The following RASSF3 variants were observed in gnomAD, a reference collection of about 807,000 sequenced individuals.
RASSF3 encodes Ras association domain family member 3, also known as ras association domain-containing protein 3.
Under a neutral mutation model 19.9 loss-of-function variants are expected in RASSF3, and 19 were observed. That is an observed-to-expected ratio of 0.96 (90% CI 0.67 to 1.40). RASSF3 has a LOEUF of 1.40. RASSF3 is among the 40% of genes most tolerant of loss of function. RASSF3 has a pLI of 0.00. For synonymous variants in RASSF3, 110 were observed against 104.2 expected (o/e 1.06, Z -0.34); for missense variants, 306 against 289.8 (o/e 1.06, Z -0.41).
chr12:64,621,134 C>T (rs1446008449), intron 1 of RASSF3, among the ~76,000 whole-genome samples: 1 of 152,138 alleles, frequency 6.6e-6, no homozygotes, highest in African/African-American at 2.4e-5. Flanking sequence ...TGGGGTTTCA[C>T]CATGTTGGCC....
chr12:64,636,399 C>T (rs1871332000), intron 1 of RASSF3, among the ~76,000 whole-genome samples: 1 of 151,958 alleles, frequency 6.6e-6, no homozygotes, highest in African/African-American at 2.4e-5. Context: ...CAGGCATGAG[C>T]CACTGCACCT....
chr12:64,680,204 C>CT (rs928451931), intron 1 of RASSF3, among the ~76,000 whole-genome samples: 2 of 152,012 alleles, frequency 1.3e-5, no homozygotes, highest in Non-Finnish European at 2.9e-5. Flanking sequence ...ACGGGAGGGT[C>CT]TTTTTTAAAG....
chr12:64,621,449 CTGTT>C (rs1364230365), intron 1 of RASSF3, among the ~76,000 whole-genome samples: 1 of 152,058 alleles, frequency 6.6e-6, no homozygotes, highest in Non-Finnish European at 1.5e-5. Flanking sequence ...TTGACTTACA[CTGTT>C]TGTACCAAAA....
intron 1 of RASSF3, among the ~76,000 whole-genome samples, chr12:64,514,357 A>G (rs1868347958): frequency 6.7e-6 from 1 of 148,294 alleles, no homozygotes; most frequent in South Asian, 2.1e-4. Flanking sequence ...GAGCTAATTT[A>G]TGTATTTTTA....
intron 1 of RASSF3, among the ~76,000 whole-genome samples, chr12:64,674,638 G>C (rs1872816500): frequency 6.6e-6 from 1 of 152,176 alleles, no homozygotes; most frequent in South Asian, 2.1e-4. Context: ...GTATGCACAG[G>C]AAACAACAAG....
intron 1 of RASSF3, among the ~76,000 whole-genome samples, chr12:64,664,507 C>T (rs760404003): frequency 6.6e-6 from 1 of 152,120 alleles, no homozygotes; most frequent in Non-Finnish European, 1.5e-5. Context: ...CACGCCTGGC[C>T]CTGGTATATG....
chr12:64,549,305 C>CTCA (rs1869118481), intron 2 of RASSF3, among the ~76,000 whole-genome samples: 1 of 152,104 alleles, frequency 6.6e-6, no homozygotes, highest in Non-Finnish European at 1.5e-5. Flanking sequence ...TTGAGAACTG[C>CTCA]CTGGACAACA....
chr12:64,580,587 C>T (rs1869677591), intron 2 of RASSF3, among the ~76,000 whole-genome samples: 1 of 151,178 alleles, frequency 6.6e-6, no homozygotes, highest in Non-Finnish European at 1.5e-5. Context: ...CACACACACA[C>T]ACACACACAC....
At chr12:64,528,667 GA>G (rs1284074258), upstream of RASSF3, among the ~76,000 whole-genome samples, 1 of 152,242 alleles carries the variant, frequency 6.6e-6, no homozygotes. Flanking sequence ...GCATTAAGCA[GA>G]AGAGGACGTT....
rs189674454 is a variant in RASSF3, at chr12:64,646,896, T to C, written c.111+36153T>C. Among the ~76,000 whole-genome samples the C allele has an allele frequency of 1.5e-4, 23 of 152,332 alleles. No individual in the cohort carries two copies. In the East Asian group the frequency reaches 4.2e-3, roughly 28 times the overall value. ...TCTGTGAGAAGTGATTTGTATTCCT[T>C]AGTTCATTTACTTTCTATCATGACC... On this transcript the variant is annotated intron_variant, in intron 1 of 4. Transcript: ENST00000542104.
chr12:64,578,244 C>T lies in RASSF3; in HGVS notation c.294+36539C>T, dbSNP rs1466077715. On this transcript the variant is annotated intron_variant, in intron 2 of 5. Transcript: ENST00000637125. ...TCACAAAGAAGAAAAAAACAAAAAC[C>T]TAAAATTTACTGAGGGTTTACAATG... 7.2e-5 allele frequency among the ~76,000 whole-genome samples: 11 copies of T among 152,012 alleles called. 1 individual carries two copies. Among genetic ancestry groups the T allele is most frequent in the Admixed American group, 7.2e-4 (11 of 15,226 alleles).
intron 2 of RASSF3, among the ~76,000 whole-genome samples, chr12:64,564,069 T>A (rs1869390143): frequency 6.6e-6 from 1 of 152,198 alleles, no homozygotes; most frequent in Non-Finnish European, 1.5e-5. Flanking sequence ...ATGGTCCCCT[T>A]ATAGCTAATG....
rs140842168 is a variant in RASSF3 at position 64,613,474 on chromosome 12, G to A, written c.111+2731G>A. On this transcript the variant is annotated intron_variant, in intron 1 of 4. Transcript: ENST00000542104. Reference sequence around the variant, plus strand: ...AAATGCAGAATGGGGAGAAAGGGGTGAGGGAGCGGGTGGACTGGAAATTTC... The same window carrying A: ...AAATGCAGAATGGGGAGAAAGGGGTAAGGGAGCGGGTGGACTGGAAATTTC... Among the ~76,000 whole-genome samples the A allele has an allele frequency of 2.3e-3, 356 of 152,200 alleles. 1 individual carries two copies. Among genetic ancestry groups the A allele is most frequent in the African/African-American group, 8.2e-3 (341 of 41,538 alleles).
Position 64,694,814 on chromosome 12 carries a change from A to C in RASSF3, c.619A>C (p.Lys207Gln). 1 of 1,614,202 alleles carries C rather than the reference A, an allele frequency of 6.2e-7. No individual in the cohort carries two copies. Among genetic ancestry groups the C allele is most frequent in the Non-Finnish European group, 8.5e-7 (1 of 1,180,004 alleles). The change falls in exon 5 of 5, where the codon AAG (lysine) becomes CAG (glutamine). Residue 207 changes from lysine (K) to glutamine (Q), a missense_variant. By Grantham distance (53) the Lys-to-Gln change is moderately conservative. Transcript: ENST00000542104. ...ACAGAATTTCTTGCGCATCTTGGAC[A>C]AGGAAGAAGATGAACAGCTGCAGAA... ...ELQNFLRILD[K>Q]EEDEQLQNLK...
intron 1 of RASSF3, among the ~76,000 whole-genome samples, chr12:64,512,613 C>A (rs764353468): frequency 6.6e-6 from 1 of 152,054 alleles, no homozygotes; most frequent in Non-Finnish European, 1.5e-5. Context: ...AATGGTTTAA[C>A]GATAACTCAG....
intron 1 of RASSF3, among the ~76,000 whole-genome samples, chr12:64,668,652 G>GT (rs1439478515): frequency 2.0e-5 from 3 of 151,354 alleles, no homozygotes; most frequent in African/African-American, 7.3e-5. Flanking sequence ...AGCAGGGTGG[G>GT]ACTTGGATGT....
chr12:64,618,307 A>G (rs2136160168), intron 1 of RASSF3, among the ~76,000 whole-genome samples: 1 of 152,214 alleles, frequency 6.6e-6, no homozygotes, highest in South Asian at 2.1e-4. Context: ...AGTGTTGTCA[A>G]ATAGCTTTTG....
chr12:64,643,871 A>G (rs1428708482), intron 1 of RASSF3, among the ~76,000 whole-genome samples: 1 of 152,198 alleles, frequency 6.6e-6, no homozygotes, highest in Non-Finnish European at 1.5e-5. Flanking sequence ...GTGATTGACT[A>G]ATTATTTTAA....
intron 1 of RASSF3, among the ~76,000 whole-genome samples, chr12:64,632,850 C>G (rs1871211219): frequency 6.6e-6 from 1 of 152,084 alleles, no homozygotes; most frequent in Admixed American, 6.6e-5. Context: ...TTTGAAATAA[C>G]AAGAGAAAAA....
Sources: allele counts gnomAD v4.1 joint callset (sites outside exome capture counted in the v4.1 genomes callset), GRCh38; gene constraint gnomAD v4.1.1; transcripts MANE v1.5; gene names NCBI Gene and HGNC (gene_info 2026-07-23, HGNC 2026-07-21).